The following SPTLC1 variants were observed in gnomAD, a reference collection of about 807,000 sequenced individuals.
SPTLC1 encodes serine palmitoyltransferase 1.
Under a neutral mutation model 68.9 loss-of-function variants are expected in SPTLC1, and 55 were observed. That is an observed-to-expected ratio of 0.80 (90% confidence interval 0.64 to 1.00). The LOEUF (loss-of-function observed/expected upper bound fraction) is 1.00, where lower values mean the gene tolerates loss of function less well. SPTLC1 is among the 50% of genes least tolerant of loss of function. The pLI, the probability that SPTLC1 is intolerant of heterozygous loss-of-function variation, is 0.00. For synonymous variants in SPTLC1, 197 were observed against 201.6 expected (o/e 0.98, Z 0.19); for missense variants, 449 against 573.1 (o/e 0.78, Z 2.21).
chr9:92,045,405 G>A (rs927114591), intron 12 of SPTLC1, among the ~76,000 whole-genome samples: 30 of 145,906 alleles, frequency 2.1e-4, no homozygotes, highest in African/African-American at 7.6e-4. Flanking sequence ...TAGATGACAA[G>A]TTAGTGGGTG....
chr9:92,052,848 T>G (rs1384621249), intron 8 of SPTLC1, among the ~76,000 whole-genome samples: 7 of 151,760 alleles, frequency 4.6e-5, no homozygotes, highest in Non-Finnish European at 8.8e-5. Flanking sequence ...AACAAAGATT[T>G]TAAAATAAAA....
At chr9:92,062,497 A>G (rs1040783248) in intron 6 of SPTLC1, among the ~76,000 whole-genome samples, 9 of 152,192 alleles carry the variant, frequency 5.9e-5, no homozygotes, top group Non-Finnish European at 1.2e-4. Context: ...CATCAACCAA[A>G]AAGACTTGAC....
At chr9:92,041,249 A>C (rs1222276951) in intron 12 of SPTLC1, among the ~76,000 whole-genome samples, 1 of 152,216 alleles carries the variant, frequency 6.6e-6, no homozygotes, top group Non-Finnish European at 1.5e-5. Flanking sequence ...AATTGAACAA[A>C]AAAATTACTC....
chr9:92,089,176 C>T (rs779644449), intron 3 of SPTLC1, among the ~76,000 whole-genome samples: 8 of 152,182 alleles, frequency 5.3e-5, no homozygotes, highest in Admixed American at 2.6e-4. Context: ...TTTGGGAGGC[C>T]GAGGCGAGCA....
chr9:92,079,391 T>C, intron 5 of SPTLC1: 2 of 1,482,856 alleles, frequency 1.3e-6, no homozygotes, highest in Non-Finnish European at 1.8e-6. Flanking sequence ...AATTATTTAA[T>C]AACATTTTCA....
intron 9 of SPTLC1, among the ~76,000 whole-genome samples, chr9:92,048,707 C>A (rs1833603317): frequency 6.6e-6 from 1 of 152,160 alleles, no homozygotes; most frequent in Non-Finnish European, 1.5e-5. Flanking sequence ...AACATAATCA[C>A]AAAACTAGTA....
chr9:92,081,901 G>C (rs1834897907), intron 3 of SPTLC1, among the ~76,000 whole-genome samples: 1 of 152,162 alleles, frequency 6.6e-6, no homozygotes, highest in Non-Finnish European at 1.5e-5. Flanking sequence ...TCATCCTTGA[G>C]AAAACACAGA....
Position 92,087,592 on chromosome 9 carries a change from G to A in SPTLC1, c.261-6629C>T, listed in dbSNP as rs1365140028. 9.2e-5 allele frequency among the ~76,000 whole-genome samples: 14 copies of A among 152,324 alleles called. No individual in the cohort carries two copies. The East Asian group carries it at 1.4e-3, about 15-fold the overall frequency. ...GAACCGGGAATGCTGCTGTCTGATC[G>A]TTCCTCTGGAAGTTTTGTCTCAGAG... On this transcript the variant is annotated intron_variant, in intron 3 of 14. Coordinates refer to ENST00000262554, the MANE Select transcript of SPTLC1 (RefSeq NM_006415.4).
chr9:92,105,400 T>C (rs1314942083), intron 3 of SPTLC1: 141 of 1,488,510 alleles, frequency 9.5e-5, no homozygotes, highest in Non-Finnish European at 1.2e-4. Context: ...GAGAGCTGCT[T>C]AGGAGGAGAA....
rs1834825159 is a variant in SPTLC1, at chr9:92,080,070, G to A, written c.373C>T (p.Leu125=). The part of the protein sequence containing the change: ...PRVKAAALAS[L]KKYGVGTCGP... ...CAAGTCCCCACGCCATACTTCTTTAGAGATGCTAAAGCTGCTGCCTTTATT... is the reference window on the plus strand; with the variant it reads ...CAAGTCCCCACGCCATACTTCTTTAAAGATGCTAAAGCTGCTGCCTTTATT... The change falls in exon 5 of 15, where the codon CTA becomes TTA. Residue 125 remains leucine (L), a synonymous_variant. Coordinates refer to ENST00000262554, the MANE Select transcript of SPTLC1 (RefSeq NM_006415.4). 1 of 1,613,928 alleles carries A rather than the reference G, an allele frequency of 6.2e-7. No homozygotes were observed. Among genetic ancestry groups the A allele is most frequent in the African/African-American group, 1.3e-5 (1 of 75,030 alleles).
chr9:92,098,487 T>C (rs1251761942), intron 3 of SPTLC1, among the ~76,000 whole-genome samples: 2 of 152,118 alleles, frequency 1.3e-5, no homozygotes, highest in African/African-American at 4.8e-5. Context: ...TGCCTTTCAC[T>C]ATCAACAAAA....
At chr9:92,047,910 C>T (rs946147983) in intron 9 of SPTLC1, among the ~76,000 whole-genome samples, 3 of 152,170 alleles carry the variant, frequency 2.0e-5, no homozygotes, top group African/African-American at 7.2e-5. Context: ...CTGAAACTGT[C>T]TCATTTTATA....
intron 5 of SPTLC1, among the ~76,000 whole-genome samples, chr9:92,074,115 C>T (rs1834592835): frequency 1.3e-5 from 2 of 152,094 alleles, no homozygotes; most frequent in African/African-American, 4.8e-5. Flanking sequence ...TCGGAGGCCC[C>T]CTGGACCATC....
chr9:92,051,754 G>A (rs1388752292), intron 8 of SPTLC1, among the ~76,000 whole-genome samples: 1 of 152,124 alleles, frequency 6.6e-6, no homozygotes, highest in Non-Finnish European at 1.5e-5. Flanking sequence ...AATAAATTCA[G>A]CAGAAGTTAC....
intron 3 of SPTLC1, among the ~76,000 whole-genome samples, chr9:92,087,087 GC>G (rs1458247401): frequency 1.3e-3 from 205 of 152,248 alleles, no homozygotes; most frequent in African/African-American, 4.7e-3. Context: ...TTGGCTTTCA[GC>G]TCCATCAGCT....
Position 92,037,226 on chromosome 9 carries a change from G to A in SPTLC1, c.1254+1022C>T, listed in dbSNP as rs532349001. On this transcript the variant is annotated intron_variant, in intron 13 of 14. Transcript: ENST00000262554. ...AGCCTGCCTGAGAGGCTGTCTAGGCGGATGAGGCTCAGGACAGGGCCTGGC... is the reference window on the plus strand; with the variant it reads ...AGCCTGCCTGAGAGGCTGTCTAGGCAGATGAGGCTCAGGACAGGGCCTGGC... Among the ~76,000 whole-genome samples, 13 of 152,290 alleles carry A rather than the reference G, an allele frequency of 8.5e-5. No homozygotes were observed. The East Asian group carries it at 1.9e-3, about 23-fold the overall frequency.
chr9:92,040,156 GGTCAGGA>G lies in SPTLC1; in HGVS notation c.1137-1798_1137-1792del, dbSNP rs372823429. On this transcript the variant is annotated intron_variant, in intron 12 of 14. Coordinates refer to ENST00000262554, the MANE Select transcript of SPTLC1 (RefSeq NM_006415.4). ...AGGCCAAGGCAGGTAGATCACCTGA[GGTCAGGA>G]GTTTGAGACCAGCCTGGCCAACATG... 2.6e-3 allele frequency among the ~76,000 whole-genome samples: 394 copies of G among 152,112 alleles called. 2 individuals are homozygous for G. Among genetic ancestry groups the G allele is most frequent in the African/African-American group, 8.8e-3 (366 of 41,490 alleles).
chr9:92,046,022 T>C lies in SPTLC1; in HGVS notation c.1113A>G (p.Gly371=), dbSNP rs1833501974. 1.9e-6 allele frequency: 3 copies of C among 1,613,620 alleles called. No individual in the cohort carries two copies. The highest frequency in any genetic ancestry group is 2.5e-6 in the Non-Finnish European group (3 of 1,179,780). Residue 371 remains glycine (G), a synonymous_variant, in exon 12 of 15, where the codon GGA becomes GGG. Coordinates refer to ENST00000262554, the MANE Select transcript of SPTLC1 (RefSeq NM_006415.4). ...ACCCTTGTAAAGCTTTATGAATTTG[T>C]CCGCACTTTTCCTTCAACACTGCAA... The part of the protein sequence containing the change: ...GIFAVLKEKC[G]QIHKALQGIS...
At chr9:92,051,594 G>T (rs1051045279) in intron 8 of SPTLC1, among the ~76,000 whole-genome samples, 1 of 152,172 alleles carries the variant, frequency 6.6e-6, no homozygotes, top group African/African-American at 2.4e-5. Context: ...GCCACCTGTA[G>T]TCAACACTGT....
Sources: gnomAD v4.1 joint callset for allele counts (sites outside exome capture counted in the v4.1 genomes callset) on GRCh38, gnomAD v4.1.1 for gene constraint, MANE v1.5 for transcripts, NCBI Gene and HGNC (gene_info 2026-07-23, HGNC 2026-07-21) for gene names.